Variants in TASP1 observed in about 807,000 individuals in gnomAD.
The protein encoded by TASP1 is threonine aspartase 1.
Under a neutral mutation model 56.6 loss-of-function variants are expected in TASP1, and 16 were observed. The observed-to-expected ratio is 0.28, with a 90% CI of 0.19 to 0.43. The LOEUF is 0.43. Ranked by LOEUF, TASP1 falls within the 20% of genes least tolerant of loss-of-function variation. The pLI is 1.00. For synonymous variants in TASP1, 179 were observed against 184.2 expected, an observed-to-expected ratio of 0.97 and a Z score of 0.23; for missense variants, 393 against 511.6, an observed-to-expected ratio of 0.77 and a Z score of 2.24.
At chr20:13,498,382 G>A (rs2043815232) in intron 10 of TASP1, among the ~76,000 whole-genome samples, 1 of 103,080 alleles carries the variant, frequency 9.7e-6, no homozygotes, top group Non-Finnish European at 2.0e-5. Flanking sequence ...TGTGTGTGAT[G>A]GAGTCTCATT....
At chr20:13,290,823 T>C in the TASP1 span, among the ~76,000 whole-genome samples, 1 of 152,232 alleles carries the variant, frequency 6.6e-6, no homozygotes, top group Non-Finnish European at 1.5e-5. Context: ...GAAATAGGTA[T>C]TTATGATTGT....
chr20:13,133,771 G>A, the TASP1 span, among the ~76,000 whole-genome samples: 6 of 152,248 alleles, frequency 3.9e-5, no homozygotes, highest in Admixed American at 6.5e-5. Flanking sequence ...GGGAACTTAC[G>A]TACAGGGATG....
the TASP1 span, among the ~76,000 whole-genome samples, chr20:13,214,562 C>CACAGAG: frequency 7.2e-5 from 8 of 111,378 alleles, no homozygotes; most frequent in African/African-American, 2.6e-4. Context: ...CACACACACA[C>CACAGAG]AGAGAGAGAG....
the TASP1 span, among the ~76,000 whole-genome samples, chr20:13,128,732 C>A: frequency 6.6e-6 from 1 of 151,586 alleles, no homozygotes; most frequent in East Asian, 1.9e-4. Context: ...GCTCTGTCAC[C>A]CAGGCTGAAG....
At chr20:13,157,756 G>A in the TASP1 span, among the ~76,000 whole-genome samples, 1 of 152,178 alleles carries the variant, frequency 6.6e-6, no homozygotes, top group Non-Finnish European at 1.5e-5. Flanking sequence ...GCTGGCAAGA[G>A]TTTGCCCTGC....
chr20:13,263,985 C>G, the TASP1 span, among the ~76,000 whole-genome samples: 10 of 152,010 alleles, frequency 6.6e-5, no homozygotes, highest in Admixed American at 5.9e-4. Flanking sequence ...TCTTTAGAAT[C>G]CCACATAAAA....
the TASP1 span, among the ~76,000 whole-genome samples, chr20:13,311,014 T>C: frequency 6.6e-6 from 1 of 152,072 alleles, no homozygotes; most frequent in Non-Finnish European, 1.5e-5. Context: ...GCCATCATGG[T>C]GAAACCCCAT....
the TASP1 span, among the ~76,000 whole-genome samples, chr20:13,115,382 C>A: frequency 1.3e-5 from 2 of 152,178 alleles, no homozygotes; most frequent in South Asian, 4.2e-4. Context: ...GAAATATAAA[C>A]CAGGTGGGCA....
At chr20:13,290,666 A>T in the TASP1 span, among the ~76,000 whole-genome samples, 1 of 152,220 alleles carries the variant, frequency 6.6e-6, no homozygotes, top group African/African-American at 2.4e-5. Context: ...TCAAAACAAA[A>T]AAAGAAAGAA....
chr20:13,437,143 C>CAA (rs2043033585), intron 11 of TASP1, among the ~76,000 whole-genome samples: 1 of 152,100 alleles, frequency 6.6e-6, no homozygotes, highest in African/African-American at 2.4e-5. Flanking sequence ...AGCAGCACAT[C>CAA]AAAAAGCTTA....
At chr20:13,245,088 C>G in the TASP1 span, among the ~76,000 whole-genome samples, 1 of 152,190 alleles carries the variant, frequency 6.6e-6, no homozygotes, top group African/African-American at 2.4e-5. Flanking sequence ...CCCTGCCACC[C>G]CATGTTGGTT....
chr20:13,144,161 C>T, the TASP1 span, among the ~76,000 whole-genome samples: 1 of 152,196 alleles, frequency 6.6e-6, no homozygotes, highest in Admixed American at 6.5e-5. Context: ...CCCTTTCCTC[C>T]CCATCCCCAA....
downstream of TASP1, among the ~76,000 whole-genome samples, chr20:13,387,893 G>A (rs561209213): frequency 1.3e-5 from 2 of 152,336 alleles, no homozygotes; most frequent in East Asian, 1.9e-4. Context: ...GAAAACAGTG[G>A]CAGAGCTGAC....
intron 10 of TASP1, among the ~76,000 whole-genome samples, chr20:13,496,226 G>A (rs941096454): frequency 2.6e-5 from 4 of 151,982 alleles, no homozygotes; most frequent in African/African-American, 9.7e-5. Context: ...GTTAATTTTT[G>A]TATTTTTTAG....
the TASP1 span, chr20:13,300,233 C>T: frequency 6.6e-6 from 1 of 152,172 alleles, no homozygotes; most frequent in Non-Finnish European, 1.5e-5. Context: ...AATTTCTGCT[C>T]ATGTCCTAGC....
At chr20:13,187,151 G>T in the TASP1 span, among the ~76,000 whole-genome samples, 1 of 152,050 alleles carries the variant, frequency 6.6e-6, no homozygotes, top group Middle Eastern at 3.2e-3. Context: ...CGCGCTTGGA[G>T]ATAAGTTAAC....
chr20:13,254,784 T>G, the TASP1 span, among the ~76,000 whole-genome samples: 11 of 152,310 alleles, frequency 7.2e-5, no homozygotes, highest in Middle Eastern at 3.4e-3. Flanking sequence ...TGCCAGAGCT[T>G]CTTCTCATCC....
At chr20:13,267,888 A>G in the TASP1 span, among the ~76,000 whole-genome samples, 1 of 152,194 alleles carries the variant, frequency 6.6e-6, no homozygotes, top group Admixed American at 6.5e-5. Context: ...TACTAAAGCA[A>G]TTGGGAAGCA....
intron 13 of TASP1, among the ~76,000 whole-genome samples, chr20:13,406,140 T>C (rs1032399162): frequency 4.6e-5 from 7 of 152,226 alleles, no homozygotes; most frequent in East Asian, 3.8e-4. Context: ...TTTTTTAAAG[T>C]TGATTTTTGC....
Sources: gnomAD v4.1 joint callset for allele counts (sites outside exome capture counted in the v4.1 genomes callset) on GRCh38, gnomAD v4.1.1 for gene constraint, MANE v1.5 for transcripts, NCBI Gene and HGNC (gene_info 2026-07-23, HGNC 2026-07-21) for gene names.